The following ZNF263 variants were observed in gnomAD, a reference collection of about 807,000 sequenced individuals.
ZNF263 encodes zinc finger protein 263.
A neutral mutation model predicts 63.1 loss-of-function variants in ZNF263; 49 were observed. That is an observed-to-expected ratio of 0.78 (90% CI 0.62 to 0.99). ZNF263 has a LOEUF of 0.99. ZNF263 is among the 50% of genes least tolerant of loss of function. The pLI, the probability that ZNF263 is intolerant of heterozygous loss-of-function variation, is 0.00. For synonymous variants in ZNF263, 352 were observed against 324.2 expected, an observed-to-expected ratio of 1.09 and a Z score of -0.92; for missense variants, 872 against 854.8, an observed-to-expected ratio of 1.02 and a Z score of -0.25.
chr16:3,291,006 A>G lies in ZNF263; in HGVS notation c.*448A>G. On this transcript the variant is annotated 3_prime_UTR_variant, in exon 6 of 6. Transcript: ENST00000219069. ...GAAGAGGGGCCAAGTACCCTGGGAAATCAGCTGAAGGTCAACAAAAGACTG... is the reference window on the plus strand; with the variant it reads ...GAAGAGGGGCCAAGTACCCTGGGAAGTCAGCTGAAGGTCAACAAAAGACTG... The G allele has an allele frequency of 2.0e-6, 2 of 998,144 alleles. No homozygotes were observed. The highest frequency in any genetic ancestry group is 2.4e-6 in the Non-Finnish European group (2 of 836,034). 61.8% of individuals were successfully genotyped at this position (998,144 alleles called of 1,614,324 possible). A position where few individuals can be genotyped will look rare whatever the true frequency, so the allele number is the denominator to read the frequency against.
chr16:3,286,138 T>A lies in ZNF263; in HGVS notation c.758T>A (p.Val253Glu). The change falls in exon 4 of 6, where the codon GTG becomes GAG. Residue 253 changes from valine (V) to glutamate (E), a missense_variant. Val to Glu is a moderately radical substitution (Grantham distance 121). Coordinates refer to ENST00000219069, the MANE Select transcript of ZNF263 (RefSeq NM_005741.5). ...RDTVQESYEN[V>E]DSLESHIPSQ... ...ACGGTGCAGGAGAGTTATGAGAATGTGGACTCACTGGGTAAGGACTTCTTT... is the reference window on the plus strand; with the variant it reads ...ACGGTGCAGGAGAGTTATGAGAATGAGGACTCACTGGGTAAGGACTTCTTT... The A allele has an allele frequency of 6.3e-7, 1 of 1,594,858 alleles. No homozygotes were observed. The highest frequency in any genetic ancestry group is 8.5e-7 in the Non-Finnish European group (1 of 1,174,582).
At chr16:3,286,198 G>T in intron 4 of ZNF263, 49 bp downstream of exon 4, 1 of 1,535,880 alleles carries the variant, frequency 6.5e-7, no homozygotes, top group South Asian at 1.3e-5. Context: ...TCTGACCAGG[G>T]TCCTGCCCGT....
In ZNF263 at chr16:3,299,218, C is replaced by A. The variant is rs754928858; in HGVS notation, c.*46+62C>A. 1.2e-6 allele frequency: 2 copies of A among 1,606,442 alleles called. 1 individual carries two copies. Among genetic ancestry groups the A allele is most frequent in the South Asian group, 2.2e-5 (2 of 89,210 alleles). ...TTCAGCAGTCTGCTTCTCAGCTTCT[C>A]CTCCTTTTTGAACAACTTCCTTTGT... On this transcript the variant is annotated intron_variant, in intron 2 of 2. Coordinates refer to the ZNF263 transcript ENST00000574674.
At chr16:3,300,215 C>G in intron 2 of ZNF263, 1 of 1,614,226 alleles carries the variant, frequency 6.2e-7, no homozygotes, top group Non-Finnish European at 8.5e-7. Context: ...TTCCCAATTG[C>G]ATGCCGATTT....
In ZNF263 at chr16:3,289,759, A is replaced by G; in HGVS notation, c.1253A>G (p.Asn418Ser). ...GVDCTEIFGG[N>S]PRFLSLHRAH... ...GACTGCACTGAAATCTTTGGTGGGA[A>G]CCCACGTTTCCTGTCACTACACAGA... Residue 418 changes from asparagine to serine, a missense_variant, in exon 6 of 6, where the codon AAC becomes AGC. Transcript: ENST00000219069. 1.9e-6 allele frequency: 3 copies of G among 1,614,162 alleles called. No homozygotes were observed. In the Middle Eastern group the frequency reaches 4.9e-4, roughly 266 times the overall value.
At chr16:3,284,453 G>A (rs1384734223) in intron 1 of ZNF263, among the ~76,000 whole-genome samples, 1 of 152,204 alleles carries the variant, frequency 6.6e-6, no homozygotes, top group Non-Finnish European at 1.5e-5. Flanking sequence ...GAGTTAGATC[G>A]CCAGCGTTCA....
At position 3,288,182 on chromosome 16, in the gene ZNF263, G is replaced by A. The variant is rs541684169; in HGVS notation, c.770-272G>A. ...CAGGAGAATCGCTTGAACCTAGGAG[G>A]CAGAGGTTGCAGTGAGCGGAGATCG... On this transcript the variant is annotated intron_variant, in intron 4 of 5. Transcript: ENST00000219069. 3.3e-5 allele frequency among the ~76,000 whole-genome samples: 5 copies of A among 151,762 alleles called. No homozygotes were observed. In the South Asian group the frequency reaches 1.0e-3, roughly 32 times the overall value.
At chr16:3,299,193 T>C (rs1959856867) in intron 2 of ZNF263, 1 of 1,597,072 alleles carries the variant, frequency 6.3e-7, no homozygotes, top group South Asian at 1.1e-5. Context: ...ATAATTTAAA[T>C]TCAGCAGTCT....
downstream of ZNF263, among the ~76,000 whole-genome samples, chr16:3,295,404 C>G (rs1959716658): frequency 6.6e-6 from 1 of 152,206 alleles, no homozygotes; most frequent in Non-Finnish European, 1.5e-5. Context: ...TCCCTTCCAG[C>G]GTTCCCGCCC....
chr16:3,289,339 TC>T (rs1259917857), intron 5 of ZNF263, 53 bp from the exon 6 acceptor site: 1 of 1,484,500 alleles, frequency 6.7e-7, no homozygotes. Flanking sequence ...GGTGGGATTT[TC>T]TTTTCTCCAG....
At position 3,289,525 on chromosome 16, in the gene ZNF263, G is replaced by C. The variant is rs140113954; in HGVS notation, c.1019G>C (p.Arg340Pro). Reference sequence around the variant, plus strand: ...CCTGAGCTGGGAAGACCTCATGACCGGTCGCAAGGGGATTGGGCGCCTCCC... The same window carrying C: ...CCTGAGCTGGGAAGACCTCATGACCCGTCGCAAGGGGATTGGGCGCCTCCC... ...WSPELGRPHDRSQGDWAPPPE... is the reference protein window; with the variant it reads ...WSPELGRPHDPSQGDWAPPPE... Residue 340 changes from arginine to proline, a missense_variant, in exon 6 of 6, where the codon CGG (arginine) becomes CCG (proline). Physicochemically the swap from Arg to Pro is moderately radical, Grantham distance 103. Transcript: ENST00000219069. 3.1e-6 allele frequency: 5 copies of C among 1,594,198 alleles called. No homozygotes were observed. The South Asian group carries it at 3.4e-5, about 11-fold the overall frequency.
chr16:3,299,862 G>A, intron 2 of ZNF263: 1 of 1,595,912 alleles, frequency 6.3e-7, no homozygotes, highest in Non-Finnish European at 8.5e-7. Context: ...CATCTTTACT[G>A]GGTTTATATA....
chr16:3,298,950 C>A lies in ZNF263; in HGVS notation c.152-156C>A, dbSNP rs377637766. 4 of 1,160,764 alleles carry A rather than the reference C, an allele frequency of 3.4e-6. No homozygotes were observed. In the African/African-American group the frequency reaches 6.3e-5, roughly 18 times the overall value. The allele number at this position is 1,160,764 out of a possible 1,614,324, so 71.9% of individuals were successfully genotyped here. A position where few individuals can be genotyped will look rare whatever the true frequency, so the allele number is the denominator to read the frequency against. ...GCCTACATCATATAATGGCAGAAAT[C>A]TTTAAACACAAAATCTAATGATTAG... On this transcript the variant is annotated intron_variant, in intron 1 of 2. Transcript: ENST00000574674.
chr16:3,300,855 T>C (rs1273506336), intron 2 of ZNF263: 1 of 484,496 alleles, frequency 2.1e-6, no homozygotes, highest in Non-Finnish European at 3.6e-6. Context: ...CTCTTGCTCC[T>C]GCAAGCCATG....
At chr16:3,298,902 TA>T in intron 1 of ZNF263, 2 of 658,186 alleles carry the variant, frequency 3.0e-6, no homozygotes, top group Non-Finnish European at 4.6e-6. Flanking sequence ...TGTCAGTTGC[TA>T]AAACAAGACA....
chr16:3,296,698 A>G (rs1431576114), intron 1 of ZNF263, among the ~76,000 whole-genome samples: 4 of 152,338 alleles, frequency 2.6e-5, no homozygotes, highest in South Asian at 4.1e-4. Context: ...CACAAAAAAG[A>G]TAACTACTGA....
rs540573199 is a variant in ZNF263, at chr16:3,299,148, G to C, written c.*38G>C. The stretch of plus-strand genomic sequence containing the variant: ...GAAACTCAGGTGTGGCATCAACAAA[G>C]TCAAGAAGGTAGTCCAAACTCTCTC... On this transcript the variant is annotated 3_prime_UTR_variant, in exon 2 of 3. Coordinates refer to the ZNF263 transcript ENST00000574674. The C allele has an allele frequency of 3.3e-6, 5 of 1,514,060 alleles. No individual in the cohort carries two copies. In the African/African-American group the frequency reaches 4.2e-5, roughly 13 times the overall value. The allele number at this position is 1,514,060 out of a possible 1,614,324, so 93.8% of individuals were successfully genotyped here. A position where few individuals can be genotyped will look rare whatever the true frequency, so the allele number is the denominator to read the frequency against.
Position 3,290,997 on chromosome 16 carries a change from C to T in ZNF263, c.*439C>T, listed in dbSNP as rs1959594351. On this transcript the variant is annotated 3_prime_UTR_variant, in exon 6 of 6. Transcript: ENST00000219069. ...GAGACCAAAGAAGAGGGGCCAAGTACCCTGGGAAATCAGCTGAAGGTCAAC... is the reference window on the plus strand; with the variant it reads ...GAGACCAAAGAAGAGGGGCCAAGTATCCTGGGAAATCAGCTGAAGGTCAAC... 8 of 998,286 alleles carry T rather than the reference C, an allele frequency of 8.0e-6. No homozygotes were observed. Among genetic ancestry groups the T allele is most frequent in the Non-Finnish European group, 9.6e-6 (8 of 836,178 alleles). 61.8% of individuals were successfully genotyped at this position (998,286 alleles called of 1,614,324 possible). A position where few individuals can be genotyped will look rare whatever the true frequency, so the allele number is the denominator to read the frequency against.
rs760572776 is a variant in ZNF263 at position 3,299,664 on chromosome 16, C to A, written c.*46+508C>A. 3.2e-6 allele frequency: 5 copies of A among 1,551,960 alleles called. No individual in the cohort carries two copies. The Admixed American group carries it at 6.5e-5, about 20-fold the overall frequency. On this transcript the variant is annotated intron_variant, in intron 2 of 2. Transcript: ENST00000574674. ...AGGTTGAAGTGTTATGGGGGAAGAA[C>A]ATACATTTTATTCGACCATCCTCAC...
Sources: allele counts gnomAD v4.1 joint callset (sites outside exome capture counted in the v4.1 genomes callset), GRCh38; gene constraint gnomAD v4.1.1; transcripts MANE v1.5; gene names NCBI Gene and HGNC (gene_info 2026-07-23, HGNC 2026-07-21).